TTC38: variants seen among roughly 807,000 people sequenced by gnomAD.
TTC38 encodes the protein tetratricopeptide repeat domain 38.
In TTC38, 64 loss-of-function variants were observed where a neutral mutation model predicts 64.2. The ratio of observed to expected loss-of-function variants is 1.00; its 90% CI spans 0.81 to 1.23. The LOEUF (loss-of-function observed/expected upper bound fraction) is 1.23, where lower values mean the gene tolerates loss of function less well. TTC38 is among the 50% of genes most tolerant of loss of function. The pLI is 0.00. For synonymous variants in TTC38, 254 were observed against 249.3 expected, an observed-to-expected ratio of 1.02 and a Z score of -0.18; for missense variants, 573 against 615.5, an observed-to-expected ratio of 0.93 and a Z score of 0.73.
In TTC38 at chr22:46,282,035, C is replaced by T. The variant is rs1225875006; in HGVS notation, c.735+317C>T. ...TGAGCTGCACCATGACGGGGACCCTCTGTGGGATGTGGAAACGCAGAGGAA... is the reference window on the plus strand; with the variant it reads ...TGAGCTGCACCATGACGGGGACCCTTTGTGGGATGTGGAAACGCAGAGGAA... On this transcript the variant is annotated intron_variant, in intron 7 of 13. Coordinates refer to ENST00000381031, the MANE Select transcript of TTC38 (RefSeq NM_017931.4). The surrounding 1 kb of genome is among the most constrained non-coding windows in gnomAD (Gnocchi z 4.4). The T allele has an allele frequency of 1.0e-4, 54 of 520,278 alleles. No individual in the cohort carries two copies. The highest frequency in any genetic ancestry group is 2.0e-4 in the Non-Finnish European group (52 of 260,694). The allele number at this position is 520,278 out of a possible 1,614,324, so 32.2% of individuals were successfully genotyped here.
At position 46,284,049 on chromosome 22, in the gene TTC38, T is replaced by C; in HGVS notation, c.795+17T>C. Reference sequence around the variant, plus strand: ...ATTGAGAAGGTAAGGTGACCATCTGTTTGCACTGTCTTATCCTATAAAGAT... The same window carrying C: ...ATTGAGAAGGTAAGGTGACCATCTGCTTGCACTGTCTTATCCTATAAAGAT... On this transcript the variant is annotated intron_variant, in intron 8 of 13. Coordinates refer to ENST00000381031, the MANE Select transcript of TTC38 (RefSeq NM_017931.4). The C allele has an allele frequency of 6.2e-7, 1 of 1,602,522 alleles. No homozygotes were observed.
rs2077540723 is a variant in TTC38, at chr22:46,282,275, C to T, written c.735+557C>T. ...AGCTGCTTACTTTGGTGTCCTAGAG[C>T]CCAGGTACAAGGCGGACATGGGCTG... On this transcript the variant is annotated intron_variant, in intron 7 of 13. Transcript: ENST00000381031. This position sits in a 1 kb window ranked among gnomAD's most constrained non-coding sequence, Gnocchi z 4.4. 1 of 259,990 alleles carries T rather than the reference C, an allele frequency of 3.8e-6. No individual in the cohort carries two copies. The highest frequency in any genetic ancestry group is 3.7e-5 in the South Asian group (1 of 27,394). 16.1% of individuals were successfully genotyped at this position (259,990 alleles called of 1,614,324 possible).
intron 1 of TTC38, 89 bp downstream of exon 1, chr22:46,268,161 C>A: frequency 7.0e-7 from 1 of 1,428,884 alleles, no homozygotes; most frequent in Non-Finnish European, 9.4e-7. Flanking sequence ...GAGACATGGC[C>A]CGGGCGCGGG....
At position 46,277,878 on chromosome 22, in the gene TTC38, T is replaced by C. The variant is rs560143499; in HGVS notation, c.540-708T>C. Among the ~76,000 whole-genome samples, 439 of 152,266 alleles carry C rather than the reference T, an allele frequency of 2.9e-3. 6 individuals are homozygous for C. The highest frequency in any genetic ancestry group is 0.01 in the African/African-American group (429 of 41,564). On this transcript the variant is annotated intron_variant, in intron 5 of 13. Coordinates refer to ENST00000381031, the MANE Select transcript of TTC38 (RefSeq NM_017931.4). ...TTCCCAGGGAGGTGCCCCTGGGTCA[T>C]GCCTCTGGGTGGATGTCACCATGCA...
intron 10 of TTC38, among the ~76,000 whole-genome samples, chr22:46,287,444 G>A (rs1369082854): frequency 6.6e-6 from 1 of 152,262 alleles, no homozygotes; most frequent in Non-Finnish European, 1.5e-5. Flanking sequence ...TGTTCCCATG[G>A]CTGGCCTGCC....
rs1399039030 is a variant in TTC38, at chr22:46,271,491, G to A, written c.112-844G>A. Among the ~76,000 whole-genome samples, 1 of 151,720 alleles carries A rather than the reference G, an allele frequency of 6.6e-6. No homozygotes were observed. The highest frequency in any genetic ancestry group is 2.4e-5 in the African/African-American group (1 of 41,274). On this transcript the variant is annotated intron_variant, in intron 2 of 13. Coordinates refer to ENST00000381031, the MANE Select transcript of TTC38 (RefSeq NM_017931.4). The surrounding 1 kb of genome is among the most constrained non-coding windows in gnomAD (Gnocchi z 5.5). ...GCCTCCCAAAGTGCTGGGCTTACAG[G>A]CATGAGCCACCACACCTGGCCTTTT...
At chr22:46,289,756 C>T (rs776484362) in intron 12 of TTC38, 70 bp from the exon 13 acceptor site, 97 of 1,557,092 alleles carry the variant, frequency 6.2e-5, no homozygotes, top group Non-Finnish European at 7.9e-5. Context: ...GCAGGCAGCC[C>T]GCGGTGGGCG....
At chr22:46,288,242 A>G (rs1359479973) in intron 10 of TTC38, among the ~76,000 whole-genome samples, 181 bp from the exon 11 acceptor site, 2 of 152,198 alleles carry the variant, frequency 1.3e-5, no homozygotes, top group African/African-American at 2.4e-5. Context: ...ATAATTAGAC[A>G]GTCCTGATAG....
At chr22:46,278,811 T>G in intron 6 of TTC38, 150 bp downstream of exon 6, 1 of 720,684 alleles carries the variant, frequency 1.4e-6, no homozygotes. Flanking sequence ...CATGTTAGTG[T>G]GAGCAGCTGC....
At position 46,270,900 on chromosome 22, in the gene TTC38, G is replaced by A. The variant is rs946498246; in HGVS notation, c.112-1435G>A. Reference sequence around the variant, plus strand: ...ACCTGTAATCCCAGCTACTAAGGAGGGATTCTCCTACCAAGGCAGGAGAAT... The same window carrying A: ...ACCTGTAATCCCAGCTACTAAGGAGAGATTCTCCTACCAAGGCAGGAGAAT... On this transcript the variant is annotated intron_variant, in intron 2 of 13. Coordinates refer to ENST00000381031, the MANE Select transcript of TTC38 (RefSeq NM_017931.4). The surrounding 1 kb of genome is among the most constrained non-coding windows in gnomAD (Gnocchi z 4.7). 1.3e-4 allele frequency among the ~76,000 whole-genome samples: 20 copies of A among 151,474 alleles called. No individual in the cohort carries two copies. Among genetic ancestry groups the A allele is most frequent in the African/African-American group, 4.4e-4 (18 of 41,220 alleles).
In TTC38 at chr22:46,291,738, T is replaced by G. The variant is rs2077617490; in HGVS notation, c.1317-1053T>G. Among the ~76,000 whole-genome samples the G allele has an allele frequency of 6.6e-6, 1 of 152,144 alleles. No homozygotes were observed. The highest frequency in any genetic ancestry group is 1.5e-5 in the Non-Finnish European group (1 of 68,032). On this transcript the variant is annotated intron_variant, in intron 13 of 13. Transcript: ENST00000381031. The surrounding 1 kb of genome is among the most constrained non-coding windows in gnomAD (Gnocchi z 4.6). ...CGGAGGCCAAGGCGGGTGGATCACC[T>G]GAGGTCAGGAGTTCAAGACCAGCCT...
chr22:46,281,724 A>ATGCT lies in TTC38; in HGVS notation c.735+9_735+12dup, dbSNP rs1404952906. 1 of 1,613,616 alleles carries ATGCT rather than the reference A, an allele frequency of 6.2e-7. No individual in the cohort carries two copies. Among genetic ancestry groups the ATGCT allele is most frequent in the Non-Finnish European group, 8.5e-7 (1 of 1,179,992 alleles). On this transcript the variant is annotated splice_region_variant and intron_variant, in intron 7 of 13. Transcript: ENST00000381031. The surrounding 1 kb of genome is among the most constrained non-coding windows in gnomAD (Gnocchi z 5.2). ...ACTCAGAGACCTTCTGGAAGGTATG[A>ATGCT]TGCTTGTCAATGGGTCACCTCCCTG...
intron 6 of TTC38, among the ~76,000 whole-genome samples, chr22:46,278,944 C>A (rs1455592606): frequency 6.6e-6 from 1 of 152,244 alleles, no homozygotes; most frequent in Non-Finnish European, 1.5e-5. Context: ...CTGTGGTCAG[C>A]CTGCTCACTT....
chr22:46,283,032 G>A (rs566601196), intron 7 of TTC38, among the ~76,000 whole-genome samples: 11 of 152,206 alleles, frequency 7.2e-5, no homozygotes, highest in South Asian at 4.1e-4. Context: ...GGGCTCAAGC[G>A]ATCCTTCCAC....
rs376689777 is a variant in TTC38 at position 46,287,172 on chromosome 22, C to G, written c.916+18C>G. On this transcript the variant is annotated intron_variant, in intron 10 of 13. Transcript: ENST00000381031. ...GATGGAAGGTAGCCATCCCTGCAGC[C>G]CCACTGGCTTCTGCCTCTTCCTCCC... 1.3e-6 allele frequency: 2 copies of G among 1,588,932 alleles called. No individual in the cohort carries two copies. The highest frequency in any genetic ancestry group is 1.7e-5 in the Admixed American group (1 of 59,126).
At position 46,287,112 on chromosome 22, in the gene TTC38, G is replaced by A. The variant is rs542276555; in HGVS notation, c.874G>A (p.Val292Met). 1.6e-5 allele frequency: 26 copies of A among 1,605,954 alleles called. No homozygotes were observed. The highest frequency in any genetic ancestry group is 6.7e-5 in the East Asian group (3 of 44,772). The change falls in exon 10 of 14, where the codon GTG (valine) becomes ATG (methionine). Residue 292 changes from valine (V) to methionine (M), a missense_variant. This residue lies in a region of TTC38 where 371 missense variants were observed against 381.8 expected (regional missense o/e 0.97). Coordinates refer to ENST00000381031, the MANE Select transcript of TTC38 (RefSeq NM_017931.4). ...SLQANDAMLD[V>M]VDSCSMLYRL... ...GCAGGCCAACGATGCAATGCTGGAC[G>A]TGGTGGACAGCTGCTCCATGCTCTA...
In TTC38 at chr22:46,278,576, CT is replaced by C. The variant is rs769471160; in HGVS notation, c.540-9del. 2.1e-5 allele frequency: 34 copies of C among 1,612,062 alleles called. No homozygotes were observed. The South Asian group carries it at 3.4e-4, about 16-fold the overall frequency. On this transcript the variant is annotated splice_polypyrimidine_tract_variant and intron_variant, in intron 5 of 13. Transcript: ENST00000381031. ...ATTTTGTATTCTGAGATCTTTTTTT[CT>C]GTTTTTAGCTATGTGAAAGGCATCT... is the stretch of plus-strand genomic sequence containing the variant.
Position 46,275,520 on chromosome 22 carries a change from G to A in TTC38, c.539+99G>A. On this transcript the variant is annotated intron_variant, in intron 5 of 13. Transcript: ENST00000381031. This position sits in a 1 kb window ranked among gnomAD's most constrained non-coding sequence, Gnocchi z 4.5. ...TCTTGGCCCTGTCCTAAAAATAATG[G>A]GACCACTGTTGCTATTCTCCTAGTT... is the stretch of plus-strand genomic sequence containing the variant. 8.2e-7 allele frequency: 1 copy of A among 1,218,018 alleles called. No homozygotes were observed. The allele number at this position is 1,218,018 out of a possible 1,614,324, so 75.5% of individuals were successfully genotyped here.
At chr22:46,269,089 C>CA in intron 2 of TTC38, 1 of 215,486 alleles carries the variant, frequency 4.6e-6, no homozygotes, top group Non-Finnish European at 9.0e-6. Flanking sequence ...CATATCTCTG[C>CA]CCCCCCCCCA....
Sources: gnomAD v4.1 joint callset for allele counts (sites outside exome capture counted in the v4.1 genomes callset) on GRCh38, gnomAD v4.1.1 for gene constraint, gnomAD v4.1.1 regional missense constraint, Gnocchi (gnomAD v3.1) non-coding constraint, MANE v1.5 for transcripts, NCBI Gene and HGNC (gene_info 2026-07-23, HGNC 2026-07-21) for gene names.